Variants in AKAP9 observed in about 807,000 individuals in gnomAD.
The protein encoded by AKAP9 is A-kinase anchoring protein 9.
A neutral mutation model predicts 488.5 loss-of-function variants in AKAP9; 311 were observed. That is an observed-to-expected ratio of 0.64 (90% confidence interval 0.58 to 0.70). The LOEUF (loss-of-function observed/expected upper bound fraction) is 0.70, where lower values mean the gene tolerates loss of function less well. Ranked by LOEUF, AKAP9 falls within the 30% of genes least tolerant of loss-of-function variation. The pLI is 0.00. For missense variants in AKAP9, 4,215 were observed against 4,374.5 expected (o/e 0.96, Z 1.03); for synonymous variants, 1,462 against 1,483.5 (o/e 0.99, Z 0.33).
chr7:91,941,159 C>G lies in AKAP9; in HGVS notation c.48+12C>G, dbSNP rs1358940348. 4.3e-6 allele frequency: 7 copies of G among 1,613,330 alleles called. No homozygotes were observed. The highest frequency in any genetic ancestry group is 5.9e-6 in the Non-Finnish European group (7 of 1,179,450). ...CCGGCAAAGCCAAGGTAGGAGAGCC[C>G]GAGGCAACCGGGCCTGCGGTGGGAG... On this transcript the variant is annotated intron_variant, in intron 1 of 49. Transcript: ENST00000356239.
intron 1 of AKAP9, among the ~76,000 whole-genome samples, chr7:91,956,780 G>A (rs561197797): frequency 2.6e-5 from 4 of 152,266 alleles, no homozygotes; most frequent in East Asian, 1.9e-4. Flanking sequence ...ACTGAAAAAC[G>A]TGCTCTAAAA....
intron 12 of AKAP9, among the ~76,000 whole-genome samples, chr7:92,020,610 T>C (rs1802192202): frequency 6.6e-6 from 1 of 152,260 alleles, no homozygotes; most frequent in African/African-American, 2.4e-5. Flanking sequence ...TATAATTGTT[T>C]ACCATTCTGC....
At chr7:91,961,346 T>A (rs1374428280) in intron 1 of AKAP9, among the ~76,000 whole-genome samples, 3 of 151,518 alleles carry the variant, frequency 2.0e-5, no homozygotes, top group Admixed American at 6.6e-5. Context: ...ACCCAGCTAA[T>A]TTTTGTATTT....
Position 92,043,274 on chromosome 7 carries a change from T to C in AKAP9, c.5162+503T>C, listed in dbSNP as rs372167401. ...ACCCTCTTGTGTCCTCCTAACCTCCTTCCTCAGCTTGCATGGAGGAATTTG... is the reference window on the plus strand; with the variant it reads ...ACCCTCTTGTGTCCTCCTAACCTCCCTCCTCAGCTTGCATGGAGGAATTTG... On this transcript the variant is annotated intron_variant, in intron 20 of 49. Coordinates refer to ENST00000356239, the MANE Select transcript of AKAP9 (RefSeq NM_005751.5). The C allele has an allele frequency of 1.2e-4, 116 of 974,956 alleles. 2 individuals carry two copies. The African/African-American group carries it at 1.9e-3, about 16-fold the overall frequency. The allele number at this position is 974,956 out of a possible 1,614,324, so 60.4% of individuals were successfully genotyped here. A position where few individuals can be genotyped will look rare whatever the true frequency, so the allele number is the denominator to read the frequency against.
At position 92,084,845 on chromosome 7, in the gene AKAP9, A is replaced by G. The variant is rs773172124; in HGVS notation, c.8737A>G (p.Ile2913Val). Residue 2913 changes from isoleucine (I) to valine (V), a missense_variant, in exon 35 of 50, where the codon ATT becomes GTT. Physicochemically the swap from Ile to Val is conservative, Grantham distance 29. Around this residue, in one of 5 missense-constraint regions of AKAP9, gnomAD observed 1,476 missense variants for 1,477.4 expected, o/e 1.00. Coordinates refer to ENST00000356239, the MANE Select transcript of AKAP9 (RefSeq NM_005751.5). Reference sequence around the variant, plus strand: ...TTCTGGATCAGACTGGGGTCAGGGAATTTATCTTACACACAGTCAGGGATT... The same window carrying G: ...TTCTGGATCAGACTGGGGTCAGGGAGTTTATCTTACACACAGTCAGGGATT... The part of the protein sequence containing the change: ...SDSGSDWGQG[I>V]YLTHSQGFDI... The G allele has an allele frequency of 1.9e-6, 3 of 1,613,490 alleles. No homozygotes were observed. The highest frequency in any genetic ancestry group is 1.7e-6 in the Non-Finnish European group (2 of 1,179,694).
intron 7 of AKAP9, among the ~76,000 whole-genome samples, chr7:91,998,163 C>T (rs1299321283): frequency 6.6e-6 from 1 of 152,088 alleles, no homozygotes; most frequent in Non-Finnish European, 1.5e-5. Flanking sequence ...AATCTAGTGC[C>T]GCAGCAGATC....
chr7:92,102,353 G>T (rs1817672102), intron 45 of AKAP9, among the ~76,000 whole-genome samples: 1 of 151,122 alleles, frequency 6.6e-6, no homozygotes, highest in East Asian at 1.9e-4. Context: ...AGACTCCATT[G>T]ACTAATAGAG....
In AKAP9 at chr7:92,083,203, G is replaced by A; in HGVS notation, c.8194G>A (p.Asp2732Asn). The change falls in exon 33 of 50, where the codon GAC (aspartate) becomes AAC (asparagine). Residue 2732 changes from aspartate (D) to asparagine (N), a missense_variant. By Grantham distance (23) the Asp-to-Asn change is conservative. Coordinates refer to ENST00000356239, the MANE Select transcript of AKAP9 (RefSeq NM_005751.5). The part of the protein sequence containing the change: ...KETNMTSLQK[D>N]LSQVRDHLAE... ...AACAAATATGACATCTCTTCAGAAA[G>A]ACTTAAGCCAAGTTAGGGATCACCT... 1.2e-6 allele frequency: 2 copies of A among 1,614,042 alleles called. No individual in the cohort carries two copies. The highest frequency in any genetic ancestry group is 1.1e-5 in the South Asian group (1 of 91,072).
At position 92,082,508 on chromosome 7, in the gene AKAP9, C is replaced by T. The variant is rs778781109; in HGVS notation, c.8020-14C>T. ...TTTAAATTATGTGTTTCTTGTGTTT[C>T]CGCTGTCATTCAGACAACTACTGAG... On this transcript the variant is annotated splice_polypyrimidine_tract_variant and intron_variant, in intron 31 of 49. Transcript: ENST00000356239. 3 of 1,612,720 alleles carry T rather than the reference C, an allele frequency of 1.9e-6. No individual in the cohort carries two copies. The South Asian group carries it at 3.3e-5, about 18-fold the overall frequency.
rs1266093869 is a variant in AKAP9, at chr7:92,014,297, C to G, written c.3581C>G (p.Ala1194Gly). The G allele has an allele frequency of 6.2e-7, 1 of 1,613,036 alleles. No homozygotes were observed. The highest frequency in any genetic ancestry group is 1.7e-5 in the Admixed American group (1 of 60,014). The change falls in exon 10 of 50, where the codon GCA (alanine) becomes GGA (glycine). Residue 1194 changes from alanine (A) to glycine (G), a missense_variant. Transcript: ENST00000356239. ...CTGCTCATTGGAAAACTTCAAAAGG[C>G]AGTGTCTGAAGAATGTTCTTATTTT... ...LHLLIGKLQK[A>G]VSEECSYFLQ...
intron 12 of AKAP9, among the ~76,000 whole-genome samples, chr7:92,020,590 T>G (rs1802186731): frequency 1.3e-5 from 2 of 152,214 alleles, no homozygotes; most frequent in Non-Finnish European, 2.9e-5. Flanking sequence ...TCACATTACT[T>G]TTCATGTTAT....
At chr7:92,089,823 C>G (rs1815240554) in intron 38 of AKAP9, 1 of 205,462 alleles carries the variant, frequency 4.9e-6, no homozygotes, top group South Asian at 1.2e-4. Flanking sequence ...AACAGTCTTT[C>G]CAATCATAAA....
At chr7:92,010,986 T>C (rs1430264293) in intron 8 of AKAP9, among the ~76,000 whole-genome samples, 1 of 152,084 alleles carries the variant, frequency 6.6e-6, no homozygotes, top group Non-Finnish European at 1.5e-5. Context: ...TGGAAAAGAA[T>C]CCATAAAAAA....
At chr7:92,071,928 G>C (rs1038621602) in intron 28 of AKAP9, among the ~76,000 whole-genome samples, 9 of 152,066 alleles carry the variant, frequency 5.9e-5, no homozygotes, top group Admixed American at 5.2e-4. Context: ...ACATAATACT[G>C]AGTAATGTTT....
chr7:92,083,468 TAATC>T lies in AKAP9; in HGVS notation c.8461_8464del (p.Ile2821ValfsTer32), dbSNP rs1813954117. ...TGTTCCTCAGAAGAAGTTACTGAAA[TAATC>T]AGTCAGTTTACTGAAAAAATTGAGA... is the stretch of plus-strand genomic sequence containing the variant. On this transcript the variant is annotated frameshift_variant, in exon 33 of 50. Transcript: ENST00000356239. LOFTEE classifies it high-confidence loss of function. 7.4e-6 allele frequency: 12 copies of T among 1,613,554 alleles called. No homozygotes were observed. Among genetic ancestry groups the T allele is most frequent in the Non-Finnish European group, 9.3e-6 (11 of 1,179,652 alleles).
At chr7:91,950,034 A>G (rs1405002738) in intron 1 of AKAP9, among the ~76,000 whole-genome samples, 1 of 152,154 alleles carries the variant, frequency 6.6e-6, no homozygotes, top group Non-Finnish European at 1.5e-5. Context: ...CAACTTTACT[A>G]TACAAAGTCC....
chr7:91,956,171 C>T lies in AKAP9; in HGVS notation c.48+15024C>T, dbSNP rs545190067. On this transcript the variant is annotated intron_variant, in intron 1 of 49. Coordinates refer to ENST00000356239, the MANE Select transcript of AKAP9 (RefSeq NM_005751.5). ...GTCCCGGCACTTTGGGAGGCTGAGG[C>T]GGGCGGATCACGAGGTCAGGAGATC... Among the ~76,000 whole-genome samples, 314 of 151,752 alleles carry T rather than the reference C, an allele frequency of 2.1e-3. 1 individual carries two copies. Among genetic ancestry groups the T allele is most frequent in the African/African-American group, 7.1e-3 (292 of 41,416 alleles).
At chr7:92,009,814 T>C (rs1377407258) in intron 8 of AKAP9, among the ~76,000 whole-genome samples, 1 of 152,138 alleles carries the variant, frequency 6.6e-6, no homozygotes, top group Non-Finnish European at 1.5e-5. Flanking sequence ...ATCTGAAAAA[T>C]CCATTAATGT....
intron 2 of AKAP9, among the ~76,000 whole-genome samples, chr7:91,974,331 C>G (rs184913874): frequency 5.4e-4 from 66 of 123,186 alleles, no homozygotes; most frequent in Middle Eastern, 4.1e-3. Context: ...TGTCCAACTT[C>G]ATTTTTTTTG....
Sources: gnomAD v4.1 joint callset for allele counts (sites outside exome capture counted in the v4.1 genomes callset) on GRCh38, gnomAD v4.1.1 for gene constraint, gnomAD v4.1.1 regional missense constraint, MANE v1.5 for transcripts, NCBI Gene and HGNC (gene_info 2026-07-23, HGNC 2026-07-21) for gene names.